Variants in PRKD3 observed in about 807,000 individuals in gnomAD.
PRKD3 encodes protein kinase D3.
Under a neutral mutation model 99.2 loss-of-function variants are expected in PRKD3, and 47 were observed. That is an observed-to-expected ratio of 0.47 (90% CI 0.38 to 0.60). The LOEUF is 0.60. Ranked by LOEUF, PRKD3 falls within the 20% of genes least tolerant of loss-of-function variation. PRKD3 has a pLI of 0.00. For missense variants in PRKD3, 1,019 were observed against 1,088.4 expected, an observed-to-expected ratio of 0.94 and a Z score of 0.90; for synonymous variants, 392 against 355.4, an observed-to-expected ratio of 1.10 and a Z score of -1.16.
At chr2:37,261,570 C>T (rs373592039) in intron 14 of PRKD3, among the ~76,000 whole-genome samples, 6 of 151,936 alleles carry the variant, frequency 3.9e-5, no homozygotes, top group Non-Finnish European at 8.8e-5. Context: ...CACCTGAGAT[C>T]GGGAGTTCGA....
Position 37,251,677 on chromosome 2 carries a change from T to C in PRKD3, c.*1500A>G, listed in dbSNP as rs1667509129. ...CGATAGTTAACACTTTCCTAGTTTT[T>C]AGTTTATTTGACTGCATTCATACAT... is the stretch of plus-strand genomic sequence containing the variant. On this transcript the variant is annotated 3_prime_UTR_variant, in exon 19 of 19. Transcript: ENST00000234179. The C allele has an allele frequency of 6.6e-6, 1 of 152,136 alleles. No homozygotes were observed. The highest frequency in any genetic ancestry group is 2.4e-5 in the African/African-American group (1 of 41,404). 9.4% of individuals were successfully genotyped at this position (152,136 alleles called of 1,614,324 possible).
intron 17 of PRKD3, among the ~76,000 whole-genome samples, chr2:37,254,821 G>A (rs887122911): frequency 9.9e-5 from 15 of 152,186 alleles, no homozygotes; most frequent in Admixed American, 8.5e-4. Flanking sequence ...GTCACATTGA[G>A]GTGGTAGCTT....
At chr2:37,290,121 A>T (rs1489708583) in intron 4 of PRKD3, among the ~76,000 whole-genome samples, 1 of 152,184 alleles carries the variant, frequency 6.6e-6, no homozygotes, top group Non-Finnish European at 1.5e-5. Flanking sequence ...GAAAAAGTTG[A>T]TTGACCCTCC....
At chr2:37,263,649 T>C (rs148532719) in intron 14 of PRKD3, among the ~76,000 whole-genome samples, 2 of 152,308 alleles carry the variant, frequency 1.3e-5, no homozygotes, top group African/African-American at 4.8e-5. Flanking sequence ...TTGAGTTAAA[T>C]CTTATCAGAT....
chr2:37,266,272 A>G (rs566925676), intron 14 of PRKD3, among the ~76,000 whole-genome samples: 2 of 152,344 alleles, frequency 1.3e-5, no homozygotes, highest in East Asian at 3.9e-4. Flanking sequence ...TCAAGTTCAG[A>G]AGGAGGCTGT....
In PRKD3 at chr2:37,321,258, C is replaced by A. The variant is rs550886431; in HGVS notation, c.-656+3423G>T. ...GTTTATTTAGAACTTGTCAAATATT[C>A]TTTTGGGGAGCTAGCTGTCACATAT... is the stretch of plus-strand genomic sequence containing the variant. On this transcript the variant is annotated intron_variant, in intron 1 of 18. Transcript: ENST00000234179. 4.7e-4 allele frequency among the ~76,000 whole-genome samples: 72 copies of A among 152,152 alleles called. No individual in the cohort carries two copies. In the South Asian group the frequency reaches 0.015, roughly 31 times the overall value.
intron 14 of PRKD3, among the ~76,000 whole-genome samples, chr2:37,261,468 C>G (rs1299031375): frequency 6.8e-6 from 1 of 146,914 alleles, no homozygotes; most frequent in Non-Finnish European, 1.5e-5. Flanking sequence ...GCCTGGGAGA[C>G]AGAGCGAGAC....
chr2:37,272,032 T>C (rs1669300814), intron 12 of PRKD3, among the ~76,000 whole-genome samples: 1 of 152,196 alleles, frequency 6.6e-6, no homozygotes, highest in African/African-American at 2.4e-5. Flanking sequence ...TCAGCACTTC[T>C]GTCAGTAATC....
At chr2:37,274,344 C>T in intron 11 of PRKD3, 77 bp downstream of exon 11, 6 of 1,508,918 alleles carry the variant, frequency 4.0e-6, no homozygotes, top group Non-Finnish European at 4.5e-6. Flanking sequence ...TTAAAAGGAA[C>T]AAAGGAACAC....
chr2:37,267,404 A>C (rs768079978), intron 14 of PRKD3, 26 bp downstream of exon 14: 18 of 1,464,064 alleles, frequency 1.2e-5, no homozygotes, highest in Middle Eastern at 2.2e-4. Context: ...TCTTTAATAA[A>C]CCAGTTTTTT....
chr2:37,295,534 G>A (rs190241728), intron 2 of PRKD3, among the ~76,000 whole-genome samples: 53 of 152,154 alleles, frequency 3.5e-4, no homozygotes, highest in Non-Finnish European at 6.9e-4. Context: ...AACCCCACTG[G>A]CACCATACTA....
chr2:37,310,283 A>C (rs1331779565), intron 2 of PRKD3, among the ~76,000 whole-genome samples: 3 of 152,248 alleles, frequency 2.0e-5, no homozygotes, highest in Non-Finnish European at 4.4e-5. Context: ...AGATCAGATT[A>C]ATACATAATA....
At chr2:37,273,699 C>T (rs887748011) in intron 11 of PRKD3, among the ~76,000 whole-genome samples, 1 of 152,156 alleles carries the variant, frequency 6.6e-6, no homozygotes, top group African/African-American at 2.4e-5. Context: ...CTAAAATAAA[C>T]TACCTTTGGA....
rs1294914518 is a variant in PRKD3, at chr2:37,251,700, C to T, written c.*1477G>A. 1 of 151,674 alleles carries T rather than the reference C, an allele frequency of 6.6e-6. No individual in the cohort carries two copies. Among genetic ancestry groups the T allele is most frequent in the African/African-American group, 2.4e-5 (1 of 41,274 alleles). The allele number at this position is 151,674 out of a possible 1,614,324, so 9.4% of individuals were successfully genotyped here. A position where few individuals can be genotyped will look rare whatever the true frequency, so the allele number is the denominator to read the frequency against. On this transcript the variant is annotated 3_prime_UTR_variant, in exon 19 of 19. Coordinates refer to ENST00000234179, the MANE Select transcript of PRKD3 (RefSeq NM_005813.6). ...TTTAGTTTATTTGACTGCATTCATACATATCTGATCTTCACGACAACACTG... is the reference window on the plus strand; with the variant it reads ...TTTAGTTTATTTGACTGCATTCATATATATCTGATCTTCACGACAACACTG...
chr2:37,302,420 C>A (rs539312804), intron 2 of PRKD3, among the ~76,000 whole-genome samples: 2 of 152,066 alleles, frequency 1.3e-5, no homozygotes, highest in Non-Finnish European at 2.9e-5. Flanking sequence ...AAGATGACTT[C>A]GATAATTTTA....
chr2:37,287,170 C>T (rs1016099015), intron 5 of PRKD3, among the ~76,000 whole-genome samples: 3 of 128,130 alleles, frequency 2.3e-5, no homozygotes, highest in South Asian at 2.7e-4. Flanking sequence ...GTGGAGGTTC[C>T]GGTAAGCCGA....
At position 37,281,365 on chromosome 2, in the gene PRKD3, A is replaced by G. The variant is rs576596371; in HGVS notation, c.988+1177T>C. On this transcript the variant is annotated intron_variant, in intron 7 of 18. Transcript: ENST00000234179. Reference sequence around the variant, plus strand: ...TCAGATTAACCGAAAGAGAAAACCAATCATGCTCTGTCAAGGTGTTAATCA... The same window carrying G: ...TCAGATTAACCGAAAGAGAAAACCAGTCATGCTCTGTCAAGGTGTTAATCA... Among the ~76,000 whole-genome samples the G allele has an allele frequency of 4.8e-4, 73 of 152,334 alleles. No individual in the cohort carries two copies. The South Asian group carries it at 0.015, about 31-fold the overall frequency.
chr2:37,299,946 C>T (rs1670849431), intron 2 of PRKD3, among the ~76,000 whole-genome samples: 1 of 152,094 alleles, frequency 6.6e-6, no homozygotes, highest in South Asian at 2.1e-4. Context: ...GAATGTAAAT[C>T]AGTACAGTCA....
intron 7 of PRKD3, 138 bp from the exon 8 acceptor site, chr2:37,280,067 T>C (rs1009981799): frequency 1.7e-6 from 1 of 603,032 alleles, no homozygotes; most frequent in African/African-American, 1.9e-5. Flanking sequence ...TTTTTTTTTT[T>C]TTGAGATAGA....
Sources: allele counts gnomAD v4.1 joint callset (sites outside exome capture counted in the v4.1 genomes callset), GRCh38; gene constraint gnomAD v4.1.1; transcripts MANE v1.5; gene names NCBI Gene and HGNC (gene_info 2026-07-23, HGNC 2026-07-21).